Variants in SNX10 observed in about 807,000 individuals in gnomAD.
SNX10 encodes sorting nexin 10, also known as sorting nexin-10.
A neutral mutation model predicts 28.5 loss-of-function variants in SNX10; 25 were observed. The observed-to-expected ratio is 0.88, with a 90% CI of 0.64 to 1.22. The LOEUF (loss-of-function observed/expected upper bound fraction) is 1.22. SNX10 is among the 50% of genes most tolerant of loss of function. SNX10 has a pLI of 0.00. For synonymous variants in SNX10, 62 were observed against 81.4 expected (o/e 0.76, Z 1.28); for missense variants, 223 against 242.6 (o/e 0.92, Z 0.54).
intron 2 of SNX10, among the ~76,000 whole-genome samples, chr7:26,347,651 A>C (rs1584149911): frequency 6.6e-6 from 1 of 152,210 alleles, no homozygotes; most frequent in African/African-American, 2.4e-5. Context: ...GGAGTTCGAG[A>C]CCAGCCTGTC....
Position 26,372,104 on chromosome 7 carries a change from T to C in SNX10, c.524+71T>C, listed in dbSNP as rs1750424786. ...CATAGTATGCACATATGCACGTGTA[T>C]AGATATATATACACACTTCACTTTT... On this transcript the variant is annotated intron_variant, in intron 6 of 6. Transcript: ENST00000338523. 19 of 955,466 alleles carry C rather than the reference T, an allele frequency of 2.0e-5. No homozygotes were observed. In the South Asian group the frequency reaches 2.7e-4, roughly 14 times the overall value. The allele number at this position is 955,466 out of a possible 1,614,324, so 59.2% of individuals were successfully genotyped here.
intron 2 of SNX10, among the ~76,000 whole-genome samples, chr7:26,350,628 A>G (rs1788559914): frequency 6.6e-6 from 1 of 151,792 alleles, no homozygotes; most frequent in African/African-American, 2.4e-5. Context: ...CACTCCCCAA[A>G]ACCTAAATTT....
At chr7:26,372,185 C>T in intron 6 of SNX10, 152 bp downstream of exon 6, 2 of 622,366 alleles carry the variant, frequency 3.2e-6, no homozygotes, top group South Asian at 4.1e-5. Flanking sequence ...TTTTATTGAG[C>T]TGTGACAGCT....
At chr7:26,354,294 T>C (rs1438889957) in intron 2 of SNX10, 1 of 152,166 alleles carries the variant, frequency 6.6e-6, no homozygotes, top group African/African-American at 2.4e-5. Flanking sequence ...TTGGGTGAAA[T>C]GTCTCTTCAT....
At chr7:26,353,166 C>T (rs1788674102) in intron 2 of SNX10, among the ~76,000 whole-genome samples, 1 of 152,072 alleles carries the variant, frequency 6.6e-6, no homozygotes, top group African/African-American at 2.4e-5. Flanking sequence ...AAAAGCTTCT[C>T]AAAAAATCAT....
Position 26,299,276 on chromosome 7 carries a change from A to T in SNX10, c.-24+7190A>T, listed in dbSNP as rs549291492. ...GGTGGTGCGATCTCGGCTCACTGCA[A>T]CTTCTGCCTCCCGGGTTCAAGCGAT... On this transcript the variant is annotated intron_variant, in intron 1 of 6. Transcript: ENST00000338523. Among the ~76,000 whole-genome samples the T allele has an allele frequency of 2.7e-3, 410 of 152,202 alleles. 2 individuals carry two copies. The highest frequency in any genetic ancestry group is 9.6e-3 in the African/African-American group (397 of 41,510).
intron 2 of SNX10, among the ~76,000 whole-genome samples, chr7:26,358,808 T>G (rs1562817071): frequency 7.0e-6 from 1 of 143,444 alleles, no homozygotes; most frequent in Non-Finnish European, 1.5e-5. Flanking sequence ...ATCTTGTGTT[T>G]TTTTTTTTTT....
chr7:26,347,298 G>T (rs1221216721), intron 2 of SNX10, among the ~76,000 whole-genome samples: 1 of 152,238 alleles, frequency 6.6e-6, no homozygotes, highest in Non-Finnish European at 1.5e-5. Flanking sequence ...CTTCTCAGCA[G>T]TCCAGCCTTG....
intron 1 of SNX10, among the ~76,000 whole-genome samples, chr7:26,296,216 T>C (rs1293250264): frequency 6.6e-6 from 1 of 152,204 alleles, no homozygotes; most frequent in Non-Finnish European, 1.5e-5. Context: ...CACTGGGAAG[T>C]AAGCCATCTC....
chr7:26,294,041 G>A (rs1490125175), intron 1 of SNX10, among the ~76,000 whole-genome samples: 4 of 152,094 alleles, frequency 2.6e-5, no homozygotes, highest in Admixed American at 2.6e-4. Flanking sequence ...TTAGTGACAG[G>A]GCTGTGGTTT....
intron 3 of SNX10, among the ~76,000 whole-genome samples, chr7:26,361,941 G>A (rs1789089409): frequency 6.6e-6 from 1 of 152,212 alleles, no homozygotes; most frequent in Non-Finnish European, 1.5e-5. Context: ...GGGGAGCATA[G>A]CAATTGACCC....
intron 1 of SNX10, among the ~76,000 whole-genome samples, chr7:26,314,339 C>T (rs1427360580): frequency 6.6e-6 from 1 of 151,762 alleles, no homozygotes; most frequent in Non-Finnish European, 1.5e-5. Flanking sequence ...CTCACTGCAA[C>T]CTCTGCCTCC....
intron 1 of SNX10, among the ~76,000 whole-genome samples, chr7:26,326,793 T>G (rs1787518843): frequency 1.3e-5 from 2 of 152,086 alleles, no homozygotes; most frequent in South Asian, 4.1e-4. Flanking sequence ...CTTGAACTCT[T>G]CAGTTTAAGT....
chr7:26,310,876 C>T (rs1786813548), intron 1 of SNX10, among the ~76,000 whole-genome samples: 1 of 151,740 alleles, frequency 6.6e-6, no homozygotes, highest in African/African-American at 2.4e-5. Flanking sequence ...GTAGAGATGG[C>T]GTTTCACCGT....
chr7:26,327,521 C>T (rs1273670238), intron 1 of SNX10, among the ~76,000 whole-genome samples: 1 of 152,164 alleles, frequency 6.6e-6, no homozygotes, highest in Non-Finnish European at 1.5e-5. Context: ...GGTAGATGCT[C>T]AGCAAATGTT....
chr7:26,372,161 T>A, intron 6 of SNX10, 128 bp downstream of exon 6: 1 of 328,848 alleles, frequency 3.0e-6, no homozygotes, highest in Non-Finnish European at 5.2e-6. Flanking sequence ...AATGAAAAAA[T>A]TAATTGACTG....
At chr7:26,311,087 T>C (rs1412836114) in intron 1 of SNX10, among the ~76,000 whole-genome samples, 1 of 152,148 alleles carries the variant, frequency 6.6e-6, no homozygotes, top group East Asian at 1.9e-4. Context: ...GCGAGGCTTA[T>C]AGGGATTGTG....
chr7:26,305,956 G>T (rs1248072850), intron 1 of SNX10, among the ~76,000 whole-genome samples: 1 of 152,118 alleles, frequency 6.6e-6, no homozygotes, highest in Admixed American at 6.6e-5. Flanking sequence ...GTGCAGTGGC[G>T]CAATCGTGGG....
chr7:26,324,898 G>C (rs2128001650), intron 1 of SNX10, among the ~76,000 whole-genome samples: 1 of 152,176 alleles, frequency 6.6e-6, no homozygotes, highest in African/African-American at 2.4e-5. Flanking sequence ...TCTTGCTTTA[G>C]AATATTTGCT....
Sources: allele counts gnomAD v4.1 joint callset (sites outside exome capture counted in the v4.1 genomes callset), GRCh38; gene constraint gnomAD v4.1.1; transcripts MANE v1.5; gene names NCBI Gene and HGNC (gene_info 2026-07-23, HGNC 2026-07-21).